EWSR1: variants seen among roughly 807,000 people sequenced by gnomAD.
The protein encoded by EWSR1 is RNA-binding protein EWS.
In EWSR1, 14 loss-of-function variants were observed where a neutral mutation model predicts 92.1. The ratio of observed to expected loss-of-function variants is 0.15; its 90% CI spans 0.10 to 0.24. EWSR1 has a LOEUF of 0.24. Among genes scored for constraint, EWSR1 ranks in the 10% least tolerant of loss-of-function variants. The probability of loss-of-function intolerance (pLI) is 1.00; values close to 1 mark genes in which losing one functional copy is unlikely to be tolerated. For synonymous variants in EWSR1, 303 were observed against 292.9 expected, an observed-to-expected ratio of 1.03 and a Z score of -0.35; for missense variants, 637 against 870.9, an observed-to-expected ratio of 0.73 and a Z score of 3.38.
chr22:29,282,561 A>G lies in EWSR1; in HGVS notation c.581+4A>G. ...CTCCATCCTACCCTCCTACCAGGTC[A>G]GTCTACTTTTTGTGGCAAAACAAAA... On this transcript the variant is annotated splice_donor_region_variant and intron_variant, in intron 6 of 16. Coordinates refer to ENST00000397938, the MANE Select transcript of EWSR1 (RefSeq NM_005243.4). 1.3e-6 allele frequency: 2 copies of G among 1,500,906 alleles called. No individual in the cohort carries two copies. Among genetic ancestry groups the G allele is most frequent in the East Asian group, 5.1e-5 (2 of 39,078 alleles). The allele number at this position is 1,500,906 out of a possible 1,614,324, so 93.0% of individuals were successfully genotyped here.
intron 6 of EWSR1, among the ~76,000 whole-genome samples, chr22:29,285,122 G>GTTGT (rs2059924175): frequency 1.8e-5 from 2 of 111,608 alleles, no homozygotes; most frequent in African/African-American, 7.5e-5. Context: ...TCTGGCCCTT[G>GTTGT]TTTTTTTTTT....
rs780276797 is a variant in EWSR1 at position 29,282,295 on chromosome 22, C to T, written c.414-95C>T. ...CTTAATCATAACATTGCTTATTGCT[C>T]GTAGCTTTGTAGCATTCTTACCCAG... On this transcript the variant is annotated intron_variant, in intron 5 of 16. Transcript: ENST00000397938. The T allele has an allele frequency of 3.1e-4, 297 of 947,458 alleles. 1 individual carries two copies. Among genetic ancestry groups the T allele is most frequent in the Non-Finnish European group, 4.3e-4 (279 of 649,494 alleles). 58.7% of individuals were successfully genotyped at this position (947,458 alleles called of 1,614,324 possible).
At chr22:29,269,919 T>C (rs1434743914) in intron 1 of EWSR1, among the ~76,000 whole-genome samples, 1 of 152,240 alleles carries the variant, frequency 6.6e-6, no homozygotes, top group Admixed American at 6.5e-5. Context: ...CTGTACTGTA[T>C]TAGAATTACA....
At chr22:29,293,503 TTA>T (rs2060605080) in intron 11 of EWSR1, among the ~76,000 whole-genome samples, 2 of 151,960 alleles carry the variant, frequency 1.3e-5, no homozygotes, top group South Asian at 4.1e-4. Flanking sequence ...ATTTACATTT[TTA>T]TGATACTGAG....
At chr22:29,276,183 G>A (rs779366710) in intron 4 of EWSR1, 2 of 230,714 alleles carry the variant, frequency 8.7e-6, no homozygotes, top group African/African-American at 2.2e-5. Context: ...GTGTCATGTA[G>A]TGGGGTGTAA....
chr22:29,295,179 T>TTGAG (rs2060757856), intron 11 of EWSR1, among the ~76,000 whole-genome samples: 1 of 152,050 alleles, frequency 6.6e-6, no homozygotes, highest in African/African-American at 2.4e-5. Context: ...CTCAAGCCTC[T>TTGAG]TGAGTAGCTG....
chr22:29,269,604 C>T (rs890789146), intron 1 of EWSR1: 8 of 152,164 alleles, frequency 5.3e-5, no homozygotes, highest in African/African-American at 1.9e-4. Flanking sequence ...TTTTGGAGTC[C>T]AGAATCCAGC....
chr22:29,291,780 A>G, intron 9 of EWSR1, 181 bp downstream of exon 9: 1 of 613,988 alleles, frequency 1.6e-6, no homozygotes. Context: ...TACAAAACAA[A>G]GGGTAACTTG....
Position 29,299,279 on chromosome 22 carries a change from G to A in EWSR1, c.1626G>A (p.Gln542=). 1 of 1,614,080 alleles carries A rather than the reference G, an allele frequency of 6.2e-7. No homozygotes were observed. Among genetic ancestry groups the A allele is most frequent in the Non-Finnish European group, 8.5e-7 (1 of 1,179,964 alleles). Residue 542 remains glutamine (Q), a synonymous_variant, in exon 15 of 17, where the codon CAG becomes CAA. Transcript: ENST00000397938. ...QNFAWRTECN[Q]CKAPKPEGFL... is the part of the protein sequence containing the mutation. ...TCGCCTGGAGAACAGAGTGCAACCA[G>A]TGTAAGGCCCCAAAGCCTGAAGGCT...
chr22:29,288,877 AT>A, intron 8 of EWSR1, 91 bp downstream of exon 8: 1 of 1,219,226 alleles, frequency 8.2e-7, no homozygotes, highest in Non-Finnish European at 1.1e-6. Context: ...TAAGAAATTA[AT>A]TTCTGCATTT....
At position 29,299,409 on chromosome 22, in the gene EWSR1, G is replaced by C. The variant is rs2061155690; in HGVS notation, c.1678+78G>C. The C allele has an allele frequency of 3.2e-6, 5 of 1,547,456 alleles. No individual in the cohort carries two copies. In the South Asian group the frequency reaches 6.1e-5, roughly 19 times the overall value. Reference sequence around the variant, plus strand: ...TTCTTATTTGTGGGCTTGGTAAACTGCAGTTGCCCTCTGCTTAACAACTTT... The same window carrying C: ...TTCTTATTTGTGGGCTTGGTAAACTCCAGTTGCCCTCTGCTTAACAACTTT... On this transcript the variant is annotated intron_variant, in intron 15 of 16. Transcript: ENST00000397938.
At chr22:29,282,239 G>GATTGTATTTATT (rs1162396873) in intron 5 of EWSR1, 151 bp from the exon 6 acceptor site, 2 of 629,714 alleles carry the variant, frequency 3.2e-6, no homozygotes, top group Non-Finnish European at 5.2e-6. Context: ...TTTACTTTAG[G>GATTGTATTTATT]ATTGTATTTA....
chr22:29,299,426 A>C, intron 15 of EWSR1, 95 bp downstream of exon 15: 1 of 1,522,252 alleles, frequency 6.6e-7, no homozygotes, highest in Non-Finnish European at 8.8e-7. Flanking sequence ...CCCTCTGCTT[A>C]ACAACTTTGA....
chr22:29,286,642 A>G (rs577724482), intron 6 of EWSR1, among the ~76,000 whole-genome samples: 1 of 142,402 alleles, frequency 7.0e-6, no homozygotes, highest in African/African-American at 2.6e-5. Flanking sequence ...ACCGGAGATC[A>G]CGCCACTGCA....
chr22:29,299,341 G>A lies in EWSR1; in HGVS notation c.1678+10G>A. The A allele has an allele frequency of 1.2e-6, 2 of 1,609,252 alleles. No homozygotes were observed. The highest frequency in any genetic ancestry group is 1.7e-5 in the Admixed American group (1 of 59,760). On this transcript the variant is annotated intron_variant, in intron 15 of 16. Coordinates refer to ENST00000397938, the MANE Select transcript of EWSR1 (RefSeq NM_005243.4). ...CCCTTTCCGCCCCCGGGTAGGTGCAGGTTTCATGAGTGTCCCCTCAGCTTC... is the reference window on the plus strand; with the variant it reads ...CCCTTTCCGCCCCCGGGTAGGTGCAAGTTTCATGAGTGTCCCCTCAGCTTC...
intron 4 of EWSR1, among the ~76,000 whole-genome samples, chr22:29,274,092 A>T (rs2146852679): frequency 6.6e-6 from 1 of 152,348 alleles, no homozygotes; most frequent in East Asian, 1.9e-4. Flanking sequence ...AGAACTTTTA[A>T]CTGTTTGAAT....
At chr22:29,291,962 C>CA (rs2060472580) in intron 9 of EWSR1, 175 bp from the exon 10 acceptor site, 2 of 650,460 alleles carry the variant, frequency 3.1e-6, no homozygotes, top group South Asian at 3.9e-5. Flanking sequence ...CAAACCCTAG[C>CA]AAACCTTTCA....
At chr22:29,295,916 C>A in intron 11 of EWSR1, 1 of 300,786 alleles carries the variant, frequency 3.3e-6, no homozygotes, top group Non-Finnish European at 6.3e-6. Context: ...TCTGACTACC[C>A]CTACGAGGTG....
chr22:29,287,656 G>C (rs998235531), intron 7 of EWSR1, among the ~76,000 whole-genome samples: 1 of 152,080 alleles, frequency 6.6e-6, no homozygotes, highest in Non-Finnish European at 1.5e-5. Context: ...TTTTTAGTAT[G>C]CCTTGGCAAA....
Sources: allele counts gnomAD v4.1 joint callset (sites outside exome capture counted in the v4.1 genomes callset), GRCh38; gene constraint gnomAD v4.1.1; transcripts MANE v1.5; gene names NCBI Gene and HGNC (gene_info 2026-07-23, HGNC 2026-07-21).